PHF21A: variants seen among roughly 807,000 people sequenced by gnomAD.
The protein encoded by PHF21A is PHD finger protein 21A.
Under a neutral mutation model 82.5 loss-of-function variants are expected in PHF21A, and 11 were observed. The ratio of observed to expected loss-of-function variants is 0.13; its 90% CI spans 0.08 to 0.22. The LOEUF is 0.22. Ranked by LOEUF, PHF21A falls within the 10% of genes least tolerant of loss-of-function variation. PHF21A has a pLI of 1.00. For missense variants in PHF21A, 579 were observed against 837.8 expected (o/e 0.69, Z 3.81); for synonymous variants, 297 against 302.8 (o/e 0.98, Z 0.20).
At chr11:45,970,848 G>T (rs2093701913) in intron 8 of PHF21A, 2 of 448,232 alleles carry the variant, frequency 4.5e-6, no homozygotes. Flanking sequence ...GTATGCCTCT[G>T]TGAAGGAGAC....
chr11:46,045,243 T>C (rs1360200534), intron 6 of PHF21A, among the ~76,000 whole-genome samples: 3 of 152,206 alleles, frequency 2.0e-5, no homozygotes, highest in African/African-American at 7.2e-5. Context: ...CTTCACTATG[T>C]ACTGCCCTGG....
intron 12 of PHF21A, among the ~76,000 whole-genome samples, chr11:45,949,951 G>A (rs1408288350): frequency 6.6e-6 from 1 of 152,156 alleles, no homozygotes; most frequent in Non-Finnish European, 1.5e-5. Context: ...AAAAAGAAGA[G>A]CTCCCCTAAA....
intron 1 of PHF21A, among the ~76,000 whole-genome samples, chr11:46,095,904 G>T (rs2096988561): frequency 6.6e-6 from 1 of 152,078 alleles, no homozygotes; most frequent in African/African-American, 2.4e-5. Context: ...GTCATTCAAA[G>T]ACACTTTAAA....
chr11:46,023,389 T>A (rs913071284), intron 6 of PHF21A, among the ~76,000 whole-genome samples: 1 of 152,122 alleles, frequency 6.6e-6, no homozygotes, highest in African/African-American at 2.4e-5. Context: ...GGGATTTAGG[T>A]AACATTTCGG....
At chr11:46,009,485 T>A (rs908703121) in intron 6 of PHF21A, among the ~76,000 whole-genome samples, 2 of 152,194 alleles carry the variant, frequency 1.3e-5, no homozygotes, top group Non-Finnish European at 2.9e-5. Flanking sequence ...CATCTAAACA[T>A]GTAACGATAA....
At chr11:46,001,104 C>T (rs1335817480) in intron 6 of PHF21A, among the ~76,000 whole-genome samples, 1 of 151,916 alleles carries the variant, frequency 6.6e-6, no homozygotes. Context: ...TAAAATCAGA[C>T]ATTTTGCTAA....
At position 46,098,651 on chromosome 11, in the gene PHF21A, C is replaced by T. The variant is rs540487013; in HGVS notation, c.-236-6428G>A. Among the ~76,000 whole-genome samples the T allele has an allele frequency of 2.6e-5, 4 of 152,234 alleles. No homozygotes were observed. In the East Asian group the frequency reaches 5.8e-4, roughly 22 times the overall value. On this transcript the variant is annotated intron_variant, in intron 1 of 18. Coordinates refer to ENST00000676320, the MANE Select transcript of PHF21A (RefSeq NM_001352027.3). Reference sequence around the variant, plus strand: ...ATAGATCAGACTTAGTAAATCACTCCTTATCCCAAGACAACTCAAACTCTA... The same window carrying T: ...ATAGATCAGACTTAGTAAATCACTCTTTATCCCAAGACAACTCAAACTCTA...
chr11:45,934,481 C>T (rs2088321418), intron 18 of PHF21A: 1 of 468,800 alleles, frequency 2.1e-6, no homozygotes, highest in Non-Finnish European at 3.8e-6. Context: ...GGCACCAACA[C>T]ACAGGAGTAC....
intron 6 of PHF21A, among the ~76,000 whole-genome samples, chr11:46,055,861 G>C (rs1170141524): frequency 6.6e-6 from 1 of 152,128 alleles, no homozygotes; most frequent in Non-Finnish European, 1.5e-5. Flanking sequence ...GGAGTTAAAA[G>C]GATATGGCAA....
chr11:45,991,958 G>C (rs1037818763), intron 6 of PHF21A, among the ~76,000 whole-genome samples: 7 of 151,948 alleles, frequency 4.6e-5, no homozygotes, highest in African/African-American at 1.7e-4. Flanking sequence ...ATTACATTTT[G>C]CAAGACATGT....
chr11:45,965,734 T>A, intron 9 of PHF21A, 126 bp from the exon 10 acceptor site: 1 of 755,052 alleles, frequency 1.3e-6, no homozygotes, highest in Non-Finnish European at 2.1e-6. Context: ...TTTGGTACAT[T>A]AATTCTATAG....
chr11:46,112,928 T>C (rs1437321038), intron 1 of PHF21A, among the ~76,000 whole-genome samples: 3 of 149,520 alleles, frequency 2.0e-5, no homozygotes, highest in Admixed American at 6.7e-5. Context: ...GTAAACCTTA[T>C]AGTAGCTGAT....
intron 7 of PHF21A, among the ~76,000 whole-genome samples, chr11:45,979,124 C>T (rs563321465): frequency 1.7e-4 from 26 of 151,926 alleles, no homozygotes; most frequent in Non-Finnish European, 3.4e-4. Context: ...TCAAGTGATT[C>T]TCCTGCCTCA....
intron 10 of PHF21A, among the ~76,000 whole-genome samples, chr11:45,962,666 TG>T (rs2093169222): frequency 8.0e-6 from 1 of 125,106 alleles, no homozygotes; most frequent in African/African-American, 3.0e-5. Context: ...CCAAGGCAGG[TG>T]GGTCGCCTGA....
intron 7 of PHF21A, among the ~76,000 whole-genome samples, chr11:45,978,360 T>C (rs1047619814): frequency 6.6e-6 from 1 of 150,578 alleles, no homozygotes; most frequent in Admixed American, 6.6e-5. Flanking sequence ...TAATAATAAC[T>C]TCCTCTTAGG....
chr11:45,977,529 C>A (rs2094092915), intron 7 of PHF21A, among the ~76,000 whole-genome samples: 1 of 152,184 alleles, frequency 6.6e-6, no homozygotes, highest in South Asian at 2.1e-4. Flanking sequence ...ACAATGAATT[C>A]TACCACACTC....
At chr11:46,036,188 A>T (rs1319515095) in intron 6 of PHF21A, among the ~76,000 whole-genome samples, 1 of 152,244 alleles carries the variant, frequency 6.6e-6, no homozygotes, top group Admixed American at 6.5e-5. Context: ...TTCAGAGTCA[A>T]CAATGATGTT....
chr11:46,109,957 G>A (rs912119498), intron 1 of PHF21A, among the ~76,000 whole-genome samples: 4 of 151,144 alleles, frequency 2.6e-5, no homozygotes, highest in African/African-American at 9.7e-5. Flanking sequence ...CTCCAGCCTG[G>A]GCAACAGGGC....
Position 46,073,315 on chromosome 11 carries a change from G to A in PHF21A, c.153+3439C>T, listed in dbSNP as rs373608817. Among the ~76,000 whole-genome samples the A allele has an allele frequency of 6.9e-3, 1,023 of 148,160 alleles. 7 individuals carry two copies. Among genetic ancestry groups the A allele is most frequent in the African/African-American group, 0.024 (972 of 40,178 alleles). ...TGCACTCCAGCCTGGGCAACAAAGC[G>A]AGACCCCGTCTCAAAAAAAAAAAAA... On this transcript the variant is annotated intron_variant, in intron 6 of 18. Coordinates refer to ENST00000676320, the MANE Select transcript of PHF21A (RefSeq NM_001352027.3).
Sources: allele counts gnomAD v4.1 joint callset (sites outside exome capture counted in the v4.1 genomes callset), GRCh38; gene constraint gnomAD v4.1.1; transcripts MANE v1.5; gene names NCBI Gene and HGNC (gene_info 2026-07-23, HGNC 2026-07-21).